Variants in TTC39C observed in about 807,000 individuals in gnomAD.
TTC39C encodes tetratricopeptide repeat protein 39C.
Under a neutral mutation model 76.3 loss-of-function variants are expected in TTC39C, and 33 were observed. The ratio of observed to expected loss-of-function variants is 0.43; its 90% CI spans 0.33 to 0.58. TTC39C has a LOEUF of 0.58. TTC39C is among the 20% of genes least tolerant of loss of function. TTC39C has a pLI of 0.04. For synonymous variants in TTC39C, 254 were observed against 260.6 expected, an observed-to-expected ratio of 0.97 and a Z score of 0.24; for missense variants, 595 against 701.4, an observed-to-expected ratio of 0.85 and a Z score of 1.71.
chr18:24,027,205 T>C (rs552128565), intron 1 of TTC39C, among the ~76,000 whole-genome samples: 21 of 151,600 alleles, frequency 1.4e-4, no homozygotes, highest in Non-Finnish European at 1.9e-4. Flanking sequence ...GGCAGGAGAA[T>C]CGCTTGAACC....
chr18:24,118,492 G>A (rs1278123625), intron 8 of TTC39C, among the ~76,000 whole-genome samples: 2 of 152,136 alleles, frequency 1.3e-5, no homozygotes, highest in Non-Finnish European at 2.9e-5. Flanking sequence ...GCTTGGTCCT[G>A]TTTTGTGTCT....
chr18:24,097,793 A>G (rs935530158), intron 6 of TTC39C, among the ~76,000 whole-genome samples: 1 of 152,160 alleles, frequency 6.6e-6, no homozygotes. Flanking sequence ...AAGCTTCACC[A>G]TAGGTTTTAT....
intron 6 of TTC39C, among the ~76,000 whole-genome samples, chr18:24,109,103 C>G (rs2084779853): frequency 6.9e-6 from 1 of 144,278 alleles, no homozygotes. Context: ...CTTTGGGAGG[C>G]CAACACAGGA....
chr18:24,026,833 C>T lies in TTC39C; in HGVS notation c.167+11795C>T, dbSNP rs1468699958. On this transcript the variant is annotated intron_variant, in intron 1 of 13. Coordinates refer to ENST00000317571, the MANE Select transcript of TTC39C (RefSeq NM_001135993.2). ...TGTTGTACTTCATTAAGTTATCACT[C>T]CGTAAAATAAGCATCAAAGATAAAC... 2.0e-5 allele frequency among the ~76,000 whole-genome samples: 3 copies of T among 152,226 alleles called. No individual in the cohort carries two copies. In the East Asian group the frequency reaches 5.8e-4, roughly 29 times the overall value.
Position 24,065,870 on chromosome 18 carries a change from T to C in TTC39C, c.217-142T>C, listed in dbSNP as rs906727416. 1.0e-4 allele frequency: 81 copies of C among 813,852 alleles called. 1 individual carries two copies. In the Middle Eastern group the frequency reaches 3.5e-3, roughly 35 times the overall value. The allele number at this position is 813,852 out of a possible 1,614,324, so 50.4% of individuals were successfully genotyped here. ...TGAGATTACAGTTTCTTTGAATGAA[T>C]AGATTATGCTGTAACATTGTGATTC... On this transcript the variant is annotated intron_variant, in intron 2 of 13. Coordinates refer to ENST00000317571, the MANE Select transcript of TTC39C (RefSeq NM_001135993.2).
chr18:24,053,525 C>G (rs2083978811), intron 1 of TTC39C, among the ~76,000 whole-genome samples: 1 of 152,220 alleles, frequency 6.6e-6, no homozygotes, highest in Non-Finnish European at 1.5e-5. Flanking sequence ...AAGGTTGAGG[C>G]CTCCAAGTTG....
intron 1 of TTC39C, among the ~76,000 whole-genome samples, chr18:24,031,308 A>G (rs2083667861): frequency 1.3e-5 from 2 of 152,126 alleles, no homozygotes; most frequent in African/African-American, 2.4e-5. Flanking sequence ...ATTAAGGTTT[A>G]CCAAACCCAA....
intron 1 of TTC39C, among the ~76,000 whole-genome samples, chr18:24,033,760 G>A (rs2083701449): frequency 6.6e-6 from 1 of 152,188 alleles, no homozygotes; most frequent in East Asian, 1.9e-4. Flanking sequence ...ATGATCAGTA[G>A]CCAATCGTGT....
chr18:24,064,111 T>TTGTG (rs201675660), intron 1 of TTC39C, 29 bp from the exon 2 acceptor site: 36 of 1,565,676 alleles, frequency 2.3e-5, no homozygotes, highest in South Asian at 5.8e-5. Flanking sequence ...TAATTGTATT[T>TTGTG]TGTGTGTGTG....
chr18:24,094,119 G>T (rs550840123), intron 6 of TTC39C, among the ~76,000 whole-genome samples: 1 of 152,270 alleles, frequency 6.6e-6, no homozygotes. Context: ...TAAGTCTTTT[G>T]TTGTCATTTC....
At chr18:24,055,096 TG>T (rs1198615330) in intron 1 of TTC39C, among the ~76,000 whole-genome samples, 1 of 152,218 alleles carries the variant, frequency 6.6e-6, no homozygotes, top group African/African-American at 2.4e-5. Context: ...TAAGGCTGAA[TG>T]GTATTCCACT....
chr18:24,027,733 A>G (rs2083616566), intron 1 of TTC39C, among the ~76,000 whole-genome samples: 1 of 151,476 alleles, frequency 6.6e-6, no homozygotes, highest in Non-Finnish European at 1.5e-5. Flanking sequence ...CTAATTTTTT[A>G]TTTTTTTATT....
intron 3 of TTC39C, among the ~76,000 whole-genome samples, chr18:24,068,506 G>T (rs1391542864): frequency 6.6e-6 from 1 of 152,162 alleles, no homozygotes; most frequent in African/African-American, 2.4e-5. Context: ...AGAATGCAGA[G>T]TGTTCTATTC....
At chr18:24,044,092 T>C (rs1489733026) in intron 1 of TTC39C, among the ~76,000 whole-genome samples, 3 of 138,198 alleles carry the variant, frequency 2.2e-5, no homozygotes, top group Non-Finnish European at 3.1e-5. Context: ...GTGTGTGTGT[T>C]TAATAACCAG....
At chr18:24,132,095 G>T (rs2145834933) in intron 13 of TTC39C, among the ~76,000 whole-genome samples, 175 bp downstream of exon 13, 1 of 152,326 alleles carries the variant, frequency 6.6e-6, no homozygotes, top group South Asian at 2.1e-4. Context: ...GACATTACAA[G>T]ATCATAAGGA....
intron 1 of TTC39C, among the ~76,000 whole-genome samples, chr18:24,025,656 G>T (rs1393036241): frequency 6.6e-6 from 1 of 152,156 alleles, no homozygotes; most frequent in East Asian, 1.9e-4. Flanking sequence ...TTGGGTCGTT[G>T]GTCCCATTCC....
chr18:24,051,101 A>G (rs923719043), intron 1 of TTC39C, among the ~76,000 whole-genome samples: 2 of 152,144 alleles, frequency 1.3e-5, no homozygotes, highest in African/African-American at 4.8e-5. Flanking sequence ...CGGCTCATTA[A>G]TGATCTACCT....
At chr18:24,104,807 C>T (rs1329739831) in intron 6 of TTC39C, among the ~76,000 whole-genome samples, 1 of 151,696 alleles carries the variant, frequency 6.6e-6, no homozygotes, top group African/African-American at 2.4e-5. Flanking sequence ...GATGTAGCTC[C>T]TGGACTTTTG....
chr18:24,049,397 A>G (rs529309942), intron 1 of TTC39C, among the ~76,000 whole-genome samples: 3 of 152,166 alleles, frequency 2.0e-5, no homozygotes, highest in African/African-American at 7.2e-5. Context: ...CACCTATCTC[A>G]TAGCCACCTG....
Sources: gnomAD v4.1 joint callset for allele counts (sites outside exome capture counted in the v4.1 genomes callset) on GRCh38, gnomAD v4.1.1 for gene constraint, MANE v1.5 for transcripts, NCBI Gene and HGNC (gene_info 2026-07-23, HGNC 2026-07-21) for gene names.